PCCA: variants seen among roughly 807,000 people sequenced by gnomAD.
PCCA encodes the protein propionyl-CoA carboxylase subunit alpha.
PCCA carries 74 observed loss-of-function variants against 101.3 expected under a neutral mutation model. That is an observed-to-expected ratio of 0.73 (90% CI 0.61 to 0.89). PCCA has a LOEUF of 0.89. Ranked by LOEUF, PCCA falls within the 40% of genes least tolerant of loss-of-function variation. The probability of loss-of-function intolerance (pLI) is 0.00; values close to 1 mark genes in which losing one functional copy is unlikely to be tolerated. For missense variants in PCCA, 891 were observed against 907.0 expected, an observed-to-expected ratio of 0.98 and a Z score of 0.23; for synonymous variants, 294 against 313.6, an observed-to-expected ratio of 0.94 and a Z score of 0.66.
intron 17 of PCCA, among the ~76,000 whole-genome samples, chr13:100,335,917 C>A (rs147979738): frequency 6.6e-6 from 1 of 152,152 alleles, no homozygotes; most frequent in Non-Finnish European, 1.5e-5. Context: ...CCATAGCCCA[C>A]GAAGAGAGAA....
At chr13:100,315,202 AT>A (rs908752322) in intron 16 of PCCA, among the ~76,000 whole-genome samples, 23 of 152,182 alleles carry the variant, frequency 1.5e-4, no homozygotes, top group Middle Eastern at 6.8e-3. Context: ...TTTTTTTGAA[AT>A]TTTTTTAAAT....
In PCCA at chr13:100,343,458, A is replaced by G. The variant is rs572319862; in HGVS notation, c.1643+3199A>G. On this transcript the variant is annotated intron_variant, in intron 18 of 23. Transcript: ENST00000376285. The stretch of plus-strand genomic sequence containing the variant: ...CAGCAGTAACAAAGAATAAACAGCT[A>G]CATTCACTAATGTGTGTAAATCTCA... Among the ~76,000 whole-genome samples, 14 of 152,378 alleles carry G rather than the reference A, an allele frequency of 9.2e-5. No individual in the cohort carries two copies. In the East Asian group the frequency reaches 2.5e-3, roughly 27 times the overall value.
intron 2 of PCCA, among the ~76,000 whole-genome samples, chr13:100,103,286 T>A (rs1045377710): frequency 2.0e-5 from 3 of 152,136 alleles, no homozygotes; most frequent in African/African-American, 7.2e-5. Flanking sequence ...TTAATTAAAC[T>A]ATTGAGTTTT....
intron 20 of PCCA, among the ~76,000 whole-genome samples, chr13:100,445,259 T>G (rs1200887133): frequency 6.6e-6 from 1 of 152,152 alleles, no homozygotes; most frequent in Non-Finnish European, 1.5e-5. Flanking sequence ...ATGCCCCACC[T>G]CCAACACTGG....
At chr13:100,194,191 C>G (rs2057942272) in intron 6 of PCCA, among the ~76,000 whole-genome samples, 1 of 152,002 alleles carries the variant, frequency 6.6e-6, no homozygotes. Context: ...CAAGAATATC[C>G]CAACTGTAGG....
At chr13:100,094,228 CAAAAAAAA>C (rs1219610982) in intron 1 of PCCA, among the ~76,000 whole-genome samples, 1 of 54,018 alleles carries the variant, frequency 1.9e-5, no homozygotes, top group Non-Finnish European at 3.8e-5. Flanking sequence ...AAATCTGTCT[CAAAAAAAA>C]AAAAAAAAAA....
intron 11 of PCCA, among the ~76,000 whole-genome samples, chr13:100,269,954 G>C (rs962570472): frequency 2.0e-5 from 3 of 152,138 alleles, no homozygotes; most frequent in Admixed American, 6.5e-5. Context: ...CTCTGTGAAG[G>C]CTTGACCCGT....
intron 8 of PCCA, among the ~76,000 whole-genome samples, chr13:100,252,686 C>A (rs536396934): frequency 6.6e-6 from 1 of 152,276 alleles, no homozygotes; most frequent in South Asian, 2.1e-4. Context: ...TTCTTTTTAA[C>A]TTGGAATCCA....
chr13:100,292,934 C>CGTGTGTGTGTGTGTGTGTGTGTGTGT (rs36098330), intron 12 of PCCA, among the ~76,000 whole-genome samples: 3 of 147,584 alleles, frequency 2.0e-5, no homozygotes, highest in African/African-American at 7.5e-5. Context: ...TTTCCAAATT[C>CGTGTGTGTGTGTGTGTGTGTGTGTGT]GTGTGTGTGT....
intron 20 of PCCA, among the ~76,000 whole-genome samples, chr13:100,448,126 G>C (rs935932564): frequency 1.3e-5 from 2 of 152,184 alleles, no homozygotes; most frequent in African/African-American, 4.8e-5. Flanking sequence ...AGCCCTCTCT[G>C]ATTAGCCAGA....
chr13:100,356,944 G>A (rs1452158621), intron 18 of PCCA, among the ~76,000 whole-genome samples: 1 of 152,126 alleles, frequency 6.6e-6, no homozygotes, highest in African/African-American at 2.4e-5. Context: ...TTGCAAAAAT[G>A]CTAGATGAAA....
At chr13:100,113,425 C>T (rs1303961429) in intron 4 of PCCA, among the ~76,000 whole-genome samples, 6 of 152,086 alleles carry the variant, frequency 3.9e-5, no homozygotes, top group Admixed American at 1.3e-4. Flanking sequence ...AGGACATTAC[C>T]GTCACTACTA....
chr13:100,105,797 G>A (rs185363389), intron 2 of PCCA, among the ~76,000 whole-genome samples: 57 of 127,704 alleles, frequency 4.5e-4, no homozygotes, highest in Non-Finnish European at 8.4e-4. Context: ...AGCCATGATT[G>A]CACCACTGTA....
chr13:100,149,558 G>A (rs908034026), intron 4 of PCCA: 1 of 152,154 alleles, frequency 6.6e-6, no homozygotes, highest in African/African-American at 2.4e-5. Context: ...AGATTTGGTG[G>A]ATACTGAAGA....
At chr13:100,456,318 G>A (rs147806310) in intron 21 of PCCA, among the ~76,000 whole-genome samples, 128 of 152,256 alleles carry the variant, frequency 8.4e-4, no homozygotes, top group Middle Eastern at 3.4e-3. Context: ...ATGTCATTTG[G>A]CTTTTCAATA....
intron 21 of PCCA, chr13:100,491,772 G>A: frequency 2.5e-6 from 3 of 1,181,918 alleles, no homozygotes; most frequent in Non-Finnish European, 3.2e-6. Flanking sequence ...TTTTGGATTT[G>A]TAACACTTTT....
At chr13:100,310,803 A>G (rs2066852068) in intron 16 of PCCA, among the ~76,000 whole-genome samples, 1 of 152,214 alleles carries the variant, frequency 6.6e-6, no homozygotes, top group South Asian at 2.1e-4. Flanking sequence ...TATGTGTCAC[A>G]TATAAAAAAT....
chr13:100,257,527 C>A, intron 8 of PCCA, 68 bp from the exon 9 acceptor site: 2 of 1,049,210 alleles, frequency 1.9e-6, no homozygotes, highest in South Asian at 2.6e-5. Context: ...AACATGTGGT[C>A]AATTGTCATG....
At chr13:100,509,019 G>A (rs1025363780) in intron 21 of PCCA, among the ~76,000 whole-genome samples, 1 of 152,126 alleles carries the variant, frequency 6.6e-6, no homozygotes, top group East Asian at 1.9e-4. Context: ...TGACAGCTGT[G>A]GCCCCCAAAA....
Sources: gnomAD v4.1 joint callset for allele counts (sites outside exome capture counted in the v4.1 genomes callset) on GRCh38, gnomAD v4.1.1 for gene constraint, MANE v1.5 for transcripts, NCBI Gene and HGNC (gene_info 2026-07-23, HGNC 2026-07-21) for gene names.